The following RASSF3 variants were observed in gnomAD, a reference collection of about 807,000 sequenced individuals.
RASSF3 encodes Ras association domain family member 3.
RASSF3 carries 19 observed loss-of-function variants against 19.9 expected under a neutral mutation model. That is an observed-to-expected ratio of 0.96 (90% CI 0.67 to 1.40). The LOEUF (loss-of-function observed/expected upper bound fraction) is 1.40. Ranked by LOEUF, RASSF3 falls within the 40% of genes most tolerant of loss-of-function variation. RASSF3 has a pLI of 0.00. For missense variants in RASSF3, 306 were observed against 289.8 expected, an observed-to-expected ratio of 1.06 and a Z score of -0.41; for synonymous variants, 110 against 104.2, an observed-to-expected ratio of 1.06 and a Z score of -0.34.
chr12:64,584,879 CTT>C (rs34522445), intron 2 of RASSF3, among the ~76,000 whole-genome samples: 1 of 80,800 alleles, frequency 1.2e-5, no homozygotes, highest in Non-Finnish European at 2.2e-5. Context: ...CAGAAGGATT[CTT>C]TTTTTTTTTT....
intron 2 of RASSF3, among the ~76,000 whole-genome samples, chr12:64,551,827 G>A (rs573473628): frequency 1.2e-4 from 18 of 152,214 alleles, no homozygotes; most frequent in African/African-American, 3.9e-4. Context: ...AAAGAGAGGC[G>A]AACCAACTTG....
At chr12:64,598,207 C>T (rs1411461968) in intron 2 of RASSF3, among the ~76,000 whole-genome samples, 2 of 152,350 alleles carry the variant, frequency 1.3e-5, no homozygotes, top group Admixed American at 6.5e-5. Flanking sequence ...GCGTGAGCCA[C>T]CTTGCCCGGC....
intron 1 of RASSF3, among the ~76,000 whole-genome samples, chr12:64,631,535 T>TAATG (rs1565855523): frequency 1.5e-5 from 2 of 129,356 alleles, no homozygotes; most frequent in African/African-American, 5.8e-5. Flanking sequence ...TCATCGTATG[T>TAATG]AATGTATGTA....
intron 4 of RASSF3, among the ~76,000 whole-genome samples, chr12:64,692,525 GTGTTT>G (rs1868300212): frequency 6.6e-6 from 1 of 152,156 alleles, no homozygotes; most frequent in South Asian, 2.1e-4. Flanking sequence ...TTTGATTCTG[GTGTTT>G]TGAAGCTTTT....
intron 1 of RASSF3, among the ~76,000 whole-genome samples, chr12:64,674,355 C>G (rs1872803711): frequency 6.6e-6 from 1 of 152,176 alleles, no homozygotes; most frequent in Non-Finnish European, 1.5e-5. Context: ...ATCAGCTGAA[C>G]AGGAATGGAG....
rs34450092 is a variant in RASSF3, at chr12:64,663,840, C to CTTTT, written c.112-20928_112-20925dup. Among the ~76,000 whole-genome samples the CTTTT allele has an allele frequency of 3.2e-3, 232 of 73,024 alleles. 2 individuals carry two copies. The highest frequency in any genetic ancestry group is 0.011 in the African/African-American group (218 of 20,354). The allele number at this position is 73,024 out of a possible 152,430, so 47.9% of individuals were successfully genotyped here. On this transcript the variant is annotated intron_variant, in intron 1 of 4. Coordinates refer to ENST00000542104, the MANE Select transcript of RASSF3 (RefSeq NM_178169.4). ...TTTCTTTACCACGTTTTAGCCTTGCCTTTTTTTTTTTTTTTTTTTTTTGCC... is the reference window on the plus strand; with the variant it reads ...TTTCTTTACCACGTTTTAGCCTTGCCTTTTTTTTTTTTTTTTTTTTTTTTTTGCC...
At chr12:64,543,421 G>GCCCGCCCGCCCCCCCGCTCCCCC (rs1565836074), downstream of RASSF3, among the ~76,000 whole-genome samples, 2 of 55,880 alleles carry the variant, frequency 3.6e-5, no homozygotes, top group Non-Finnish European at 7.3e-5. Flanking sequence ...CCCGCCCCCC[G>GCCCGCCCGCCCCCCCGCTCCCCC]GCTCCCCGCC....
upstream of RASSF3, among the ~76,000 whole-genome samples, chr12:64,531,930 C>T (rs892665911): frequency 1.3e-5 from 2 of 152,212 alleles, no homozygotes; most frequent in African/African-American, 4.8e-5. Flanking sequence ...CTCCCCTCTA[C>T]GTGATCTGGC....
At chr12:64,594,802 G>A (rs1231758142) in intron 2 of RASSF3, among the ~76,000 whole-genome samples, 1 of 151,948 alleles carries the variant, frequency 6.6e-6, no homozygotes, top group Non-Finnish European at 1.5e-5. Context: ...GGTGGGTTTT[G>A]CTATGTTACC....
upstream of RASSF3, among the ~76,000 whole-genome samples, chr12:64,529,871 G>C (rs1320292434): frequency 6.6e-6 from 1 of 152,106 alleles, no homozygotes; most frequent in Non-Finnish European, 1.5e-5. Flanking sequence ...GAAGAGAGAG[G>C]TTTCAGAGGA....
chr12:64,574,532 G>T (rs1377938847), intron 2 of RASSF3, among the ~76,000 whole-genome samples: 2 of 152,114 alleles, frequency 1.3e-5, no homozygotes, highest in Non-Finnish European at 2.9e-5. Context: ...CTGGACTCAG[G>T]CATATGACTT....
rs960813956 is a variant in RASSF3, at chr12:64,670,036, T to C, written c.112-14751T>C. Reference sequence around the variant, plus strand: ...CACTTCTTGGCAGTATCAGTTTTTTTTTTTTAATGGATAGAGAAGCTTTTT... The same window carrying C: ...CACTTCTTGGCAGTATCAGTTTTTTCTTTTTAATGGATAGAGAAGCTTTTT... On this transcript the variant is annotated intron_variant, in intron 1 of 4. Coordinates refer to ENST00000542104, the MANE Select transcript of RASSF3 (RefSeq NM_178169.4). 1.7e-4 allele frequency among the ~76,000 whole-genome samples: 26 copies of C among 152,068 alleles called. 1 individual carries two copies. The highest frequency in any genetic ancestry group is 1.5e-5 in the Non-Finnish European group (1 of 68,000).
downstream of RASSF3, among the ~76,000 whole-genome samples, chr12:64,541,962 T>A (rs1868941028): frequency 6.6e-6 from 1 of 152,178 alleles, no homozygotes; most frequent in African/African-American, 2.4e-5. Context: ...TATGAGGCTT[T>A]CATCTGCTTG....
intron 2 of RASSF3, among the ~76,000 whole-genome samples, chr12:64,553,211 T>C (rs1159823696): frequency 1.3e-5 from 2 of 152,262 alleles, no homozygotes; most frequent in African/African-American, 4.8e-5. Context: ...TGCAAGTTGT[T>C]AGCTTTTCCT....
intron 1 of RASSF3, among the ~76,000 whole-genome samples, chr12:64,621,956 A>T (rs560480570): frequency 2.2e-5 from 3 of 138,494 alleles, no homozygotes; most frequent in East Asian, 1.9e-4. Flanking sequence ...CATGTGTTTT[A>T]AAAAAAAGGG....
chr12:64,694,795 T>C lies in RASSF3; in HGVS notation c.600T>C (p.Asn200=). The C allele has an allele frequency of 6.2e-7, 1 of 1,614,222 alleles. No individual in the cohort carries two copies. The highest frequency in any genetic ancestry group is 1.1e-5 in the South Asian group (1 of 91,086). The change falls in exon 5 of 5, where the codon AAT becomes AAC. Residue 200 remains asparagine, a synonymous_variant. Transcript: ENST00000542104. ...WEAFSLPELQ[N]FLRILDKEED... ...CCTTCAGCCTTCCAGAACTACAGAA[T>C]TTCTTGCGCATCTTGGACAAGGAAG...
chr12:64,515,947 A>G (rs919472859), intron 1 of RASSF3, among the ~76,000 whole-genome samples: 1 of 152,196 alleles, frequency 6.6e-6, no homozygotes, highest in African/African-American at 2.4e-5. Flanking sequence ...AGTAGTGCAT[A>G]TATGGTTCAG....
intron 1 of RASSF3, among the ~76,000 whole-genome samples, chr12:64,523,118 G>T (rs535054163): frequency 3.9e-5 from 6 of 152,248 alleles, no homozygotes; most frequent in South Asian, 2.1e-4. Flanking sequence ...AAAAAAATAA[G>T]CTTCTGGCCA....
At chr12:64,590,395 TGTTTACTTTGTA>T (rs1869899916) in intron 2 of RASSF3, among the ~76,000 whole-genome samples, 1 of 152,190 alleles carries the variant, frequency 6.6e-6, no homozygotes, top group African/African-American at 2.4e-5. Context: ...TGTTCTACCA[TGTTTACTTTGTA>T]GACATGAGCC....
Sources: gnomAD v4.1 joint callset for allele counts (sites outside exome capture counted in the v4.1 genomes callset) on GRCh38, gnomAD v4.1.1 for gene constraint, MANE v1.5 for transcripts, NCBI Gene and HGNC (gene_info 2026-07-23, HGNC 2026-07-21) for gene names.